The following PPFIBP2 variants were observed in gnomAD, a reference collection of about 807,000 sequenced individuals.
PPFIBP2 encodes liprin-beta-2.
A neutral mutation model predicts 118.3 loss-of-function variants in PPFIBP2; 118 were observed. That is an observed-to-expected ratio of 1.00 (90% CI 0.86 to 1.16). The LOEUF (loss-of-function observed/expected upper bound fraction) is 1.16. Ranked by LOEUF, PPFIBP2 falls within the 50% of genes most tolerant of loss-of-function variation. PPFIBP2 has a pLI of 0.00. For missense variants in PPFIBP2, 1,195 were observed against 1,073.1 expected, an observed-to-expected ratio of 1.11 and a Z score of -1.59; for synonymous variants, 414 against 397.4, an observed-to-expected ratio of 1.04 and a Z score of -0.50.
chr11:7,656,761 C>G, downstream of PPFIBP2: 1 of 1,289,862 alleles, frequency 7.8e-7, no homozygotes. Context: ...CTGAATGACT[C>G]TCGCCTGCCT....
At chr11:7,518,068 G>A (rs550444647) in intron 1 of PPFIBP2, among the ~76,000 whole-genome samples, 125 of 152,380 alleles carry the variant, frequency 8.2e-4, no homozygotes, top group African/African-American at 3.0e-3. Flanking sequence ...CTGTGGCCCC[G>A]TGGGCCTGCA....
At chr11:7,596,437 A>C (rs1860326057) in intron 4 of PPFIBP2, among the ~76,000 whole-genome samples, 1 of 151,302 alleles carries the variant, frequency 6.6e-6, no homozygotes, top group African/African-American at 2.4e-5. Flanking sequence ...GTGGAATGTT[A>C]ACCATGTGTC....
chr11:7,660,513 A>G (rs76164636), downstream of PPFIBP2, among the ~76,000 whole-genome samples: 27,940 of 143,696 alleles, frequency 0.19, 2,785 homozygotes, highest in Middle Eastern at 0.24. Flanking sequence ...GATCATGGTG[A>G]ATAAGCTTTT....
chr11:7,572,721 T>G lies in PPFIBP2; in HGVS notation c.279+6954T>G, dbSNP rs529169127. On this transcript the variant is annotated intron_variant, in intron 3 of 23. Coordinates refer to ENST00000299492, the MANE Select transcript of PPFIBP2 (RefSeq NM_003621.5). ...GTGGGCAGGCAGGCTCCAGGGAATTTATGCTTCTAGGCAAGTTTGTTTAGT... is the reference window on the plus strand; with the variant it reads ...GTGGGCAGGCAGGCTCCAGGGAATTGATGCTTCTAGGCAAGTTTGTTTAGT... 1.6e-4 allele frequency among the ~76,000 whole-genome samples: 25 copies of G among 152,366 alleles called. No individual in the cohort carries two copies. In the South Asian group the frequency reaches 5.2e-3, roughly 32 times the overall value.
chr11:7,631,521 G>C (rs771606258), intron 11 of PPFIBP2, among the ~76,000 whole-genome samples: 1 of 152,024 alleles, frequency 6.6e-6, no homozygotes, highest in Non-Finnish European at 1.5e-5. Context: ...CCAGGACACA[G>C]ATTTTCCTTC....
At chr11:7,644,100 C>A (rs1040921471) in intron 17 of PPFIBP2, among the ~76,000 whole-genome samples, 2 of 145,556 alleles carry the variant, frequency 1.4e-5, no homozygotes, top group Admixed American at 7.0e-5. Context: ...TGTGAATTAT[C>A]TGCATTTTTG....
intron 3 of PPFIBP2, among the ~76,000 whole-genome samples, chr11:7,571,282 A>T (rs1015908734): frequency 9.9e-5 from 15 of 152,002 alleles, no homozygotes; most frequent in Non-Finnish European, 2.1e-4. Context: ...GCTCCAAACC[A>T]CCTTGTCACA....
chr11:7,548,763 C>T (rs1000611827), intron 1 of PPFIBP2, among the ~76,000 whole-genome samples: 4 of 152,064 alleles, frequency 2.6e-5, no homozygotes, highest in African/African-American at 9.7e-5. Flanking sequence ...TGTTCATCTG[C>T]CCTGAAAAGA....
chr11:7,644,749 C>T (rs906678356), intron 17 of PPFIBP2, among the ~76,000 whole-genome samples: 3 of 152,020 alleles, frequency 2.0e-5, no homozygotes, highest in African/African-American at 7.2e-5. Flanking sequence ...TATTTTAGGC[C>T]GGGCGCGGTG....
At chr11:7,626,023 A>ATG in intron 8 of PPFIBP2, 132 bp downstream of exon 8, 1 of 757,132 alleles carries the variant, frequency 1.3e-6, no homozygotes, top group South Asian at 1.8e-5. Flanking sequence ...ACATGCATGT[A>ATG]TGTGTGCAAG....
intron 17 of PPFIBP2, among the ~76,000 whole-genome samples, chr11:7,647,855 T>A (rs7949251): frequency 0.067 from 10,209 of 152,268 alleles, 974 homozygotes; most frequent in African/African-American, 0.21. Flanking sequence ...ATTGTCCTTT[T>A]ATTGACTTTA....
chr11:7,597,429 A>T, intron 4 of PPFIBP2, 131 bp from the exon 5 acceptor site: 6 of 1,539,844 alleles, frequency 3.9e-6, no homozygotes, highest in Non-Finnish European at 5.2e-6. Flanking sequence ...CCTGCCACTC[A>T]GCAAAAATCA....
chr11:7,626,686 T>C (rs1222967307), intron 8 of PPFIBP2, among the ~76,000 whole-genome samples: 2 of 152,252 alleles, frequency 1.3e-5, no homozygotes, highest in Admixed American at 6.5e-5. Context: ...ACTACTGTAA[T>C]GAACACATAA....
chr11:7,608,609 C>A (rs1164656798), intron 5 of PPFIBP2, among the ~76,000 whole-genome samples: 3 of 152,148 alleles, frequency 2.0e-5, no homozygotes, highest in African/African-American at 7.2e-5. Context: ...CATTGCACTC[C>A]AGCCTGGGCA....
At chr11:7,662,451 T>A in the PPFIBP2 span, among the ~76,000 whole-genome samples, 1 of 151,968 alleles carries the variant, frequency 6.6e-6, no homozygotes, top group Non-Finnish European at 1.5e-5. Flanking sequence ...AAAATTCTTT[T>A]CTTTAAGAAT....
chr11:7,517,480 T>C (rs192282316), intron 1 of PPFIBP2, among the ~76,000 whole-genome samples: 8 of 151,798 alleles, frequency 5.3e-5, no homozygotes, highest in Non-Finnish European at 1.0e-4. Context: ...GGGGTCTGGG[T>C]TGATGCGTTG....
At chr11:7,559,484 A>T (rs1854052171) in intron 2 of PPFIBP2, among the ~76,000 whole-genome samples, 1 of 152,216 alleles carries the variant, frequency 6.6e-6, no homozygotes, top group East Asian at 1.9e-4. Flanking sequence ...TTTTGTGTGC[A>T]TGTGTGTTGA....
Position 7,546,925 on chromosome 11 carries a change from TG to T in PPFIBP2, c.-36-2510del, listed in dbSNP as rs1564958966. On this transcript the variant is annotated intron_variant, in intron 1 of 23. Transcript: ENST00000299492. ...CTCTTCCACTAGATTGTGTGGTTCATGGGGGCAGATACTAGGTCTGATTTAT... is the reference window on the plus strand; with the variant it reads ...CTCTTCCACTAGATTGTGTGGTTCATGGGGCAGATACTAGGTCTGATTTAT... 7.2e-5 allele frequency among the ~76,000 whole-genome samples: 11 copies of T among 152,340 alleles called. No homozygotes were observed. The East Asian group carries it at 2.1e-3, about 29-fold the overall frequency.
chr11:7,579,766 A>G (rs1437470569), intron 3 of PPFIBP2, among the ~76,000 whole-genome samples: 1 of 152,190 alleles, frequency 6.6e-6, no homozygotes, highest in African/African-American at 2.4e-5. Flanking sequence ...ACTTTAAGCA[A>G]GGAGACTTTA....
Sources: gnomAD v4.1 joint callset for allele counts (sites outside exome capture counted in the v4.1 genomes callset) on GRCh38, gnomAD v4.1.1 for gene constraint, MANE v1.5 for transcripts, NCBI Gene and HGNC (gene_info 2026-07-23, HGNC 2026-07-21) for gene names.